DNAJC8: variants seen among roughly 807,000 people sequenced by gnomAD.
The protein encoded by DNAJC8 is dnaJ homolog subfamily C member 8.
Under a neutral mutation model 43.2 loss-of-function variants are expected in DNAJC8, and 24 were observed. The observed-to-expected ratio is 0.56, with a 90% CI of 0.40 to 0.78. The LOEUF is 0.78. Among genes scored for constraint, DNAJC8 ranks in the 30% least tolerant of loss-of-function variants. The probability of loss-of-function intolerance (pLI) is 0.00; values close to 1 mark genes in which losing one functional copy is unlikely to be tolerated. For synonymous variants in DNAJC8, 83 were observed against 98.0 expected (o/e 0.85, Z 0.90); for missense variants, 207 against 299.4 (o/e 0.69, Z 2.28).
chr1:28,208,479 C>T, intron 5 of DNAJC8, 66 bp from the exon 6 acceptor site: 3 of 1,131,008 alleles, frequency 2.7e-6, no homozygotes, highest in Non-Finnish European at 3.8e-6. Flanking sequence ...CTGGGCTGTA[C>T]ACATACAATA....
intron 6 of DNAJC8, among the ~76,000 whole-genome samples, chr1:28,207,384 A>G (rs1357971428): frequency 6.6e-6 from 1 of 152,072 alleles, no homozygotes; most frequent in Non-Finnish European, 1.5e-5. Flanking sequence ...TCTCAAACAA[A>G]TACATAAATA....
chr1:28,205,515 G>C (rs1167282587), intron 6 of DNAJC8, among the ~76,000 whole-genome samples, 166 bp from the exon 7 acceptor site: 2 of 152,240 alleles, frequency 1.3e-5, no homozygotes, highest in Admixed American at 6.5e-5. Flanking sequence ...GCCAAAGGCA[G>C]GAGAATCGTT....
chr1:28,231,417 T>C (rs575410646), intron 1 of DNAJC8, among the ~76,000 whole-genome samples: 1 of 152,240 alleles, frequency 6.6e-6, no homozygotes, highest in South Asian at 2.1e-4. Context: ...ATTAATGTCT[T>C]GAACAAATTC....
At chr1:28,218,437 G>A (rs1646875959) in intron 2 of DNAJC8, among the ~76,000 whole-genome samples, 1 of 149,360 alleles carries the variant, frequency 6.7e-6, no homozygotes, top group South Asian at 2.1e-4. Flanking sequence ...TTTTTTTTGA[G>A]ACAGTGTCTC....
At chr1:28,211,894 G>A (rs1474496447) in intron 3 of DNAJC8, among the ~76,000 whole-genome samples, 2 of 151,786 alleles carry the variant, frequency 1.3e-5, no homozygotes, top group Non-Finnish European at 2.9e-5. Flanking sequence ...AGTGGCTCCC[G>A]CCTGTAATCC....
chr1:28,203,969 A>G (rs1317431057), intron 7 of DNAJC8, 147 bp from the exon 8 acceptor site: 2 of 758,824 alleles, frequency 2.6e-6, no homozygotes, highest in East Asian at 2.7e-5. Context: ...AAGGGCTCAT[A>G]GCATTTTCAT....
At position 28,200,563 on chromosome 1, in the gene DNAJC8, A is replaced by G; in HGVS notation, c.*685T>C. On this transcript the variant is annotated 3_prime_UTR_variant, in exon 9 of 9. Coordinates refer to ENST00000263697, the MANE Select transcript of DNAJC8 (RefSeq NM_014280.3). ...GGAAAAGTACATCAATGGCTTGGGTATAAAAATTTATTATACATAAAGAAT... is the reference window on the plus strand; with the variant it reads ...GGAAAAGTACATCAATGGCTTGGGTGTAAAAATTTATTATACATAAAGAAT... 1 of 456,524 alleles carries G rather than the reference A, an allele frequency of 2.2e-6. No homozygotes were observed. Among genetic ancestry groups the G allele is most frequent in the South Asian group, 1.5e-5 (1 of 64,558 alleles). 28.3% of individuals were successfully genotyped at this position (456,524 alleles called of 1,614,324 possible). A position where few individuals can be genotyped will look rare whatever the true frequency, so the allele number is the denominator to read the frequency against.
At chr1:28,211,984 C>T (rs1160779334) in intron 3 of DNAJC8, among the ~76,000 whole-genome samples, 3 of 150,640 alleles carry the variant, frequency 2.0e-5, no homozygotes, top group African/African-American at 4.9e-5. Context: ...GGTGAAACCC[C>T]GTCTCTACTA....
chr1:28,230,585 TTAGA>T (rs1337873518), intron 1 of DNAJC8, among the ~76,000 whole-genome samples: 8 of 152,208 alleles, frequency 5.3e-5, no homozygotes, highest in African/African-American at 1.9e-4. Flanking sequence ...TTACCCTTCC[TTAGA>T]TATTTTTTCC....
intron 8 of DNAJC8, among the ~76,000 whole-genome samples, chr1:28,202,713 T>A (rs1272031188): frequency 6.6e-6 from 1 of 151,426 alleles, no homozygotes. Flanking sequence ...CCTGAGTAGC[T>A]GAGACTACAG....
chr1:28,212,297 C>T (rs1219321982), intron 3 of DNAJC8, among the ~76,000 whole-genome samples: 1 of 105,244 alleles, frequency 9.5e-6, no homozygotes, highest in African/African-American at 3.6e-5. Context: ...TTTTTTGAGA[C>T]AGAGTGTTGC....
Position 28,229,023 on chromosome 1 carries a change from C to A in DNAJC8, c.79G>T (p.Val27Leu). 6.2e-7 allele frequency: 1 copy of A among 1,611,970 alleles called. No homozygotes were observed. Among genetic ancestry groups the A allele is most frequent in the Non-Finnish European group, 8.5e-7 (1 of 1,178,870 alleles). Residue 27 changes from valine (V) to leucine (L), a missense_variant and splice_region_variant, in exon 2 of 9, where the codon GTG becomes TTG. This residue lies in a region of DNAJC8 where 159 missense variants were observed against 267.5 expected (regional missense o/e 0.59). Transcript: ENST00000263697. Reference sequence around the variant, plus strand: ...GAGTCTCTCTTCTCTATTTGTTTCACCTAAAATTATGAGGATTAAAAACTT... The same window carrying A: ...GAGTCTCTCTTCTCTATTTGTTTCAACTAAAATTATGAGGATTAAAAACTT... Reference protein sequence around the residue: ...EEAFMTFYSEVKQIEKRDSVL... With the variant: ...EEAFMTFYSELKQIEKRDSVL...
chr1:28,215,991 C>A (rs568732677), intron 2 of DNAJC8, among the ~76,000 whole-genome samples: 7 of 152,092 alleles, frequency 4.6e-5, no homozygotes, highest in Admixed American at 3.3e-4. Flanking sequence ...TCTTGAGCAA[C>A]TAGGACTGTA....
rs1015039688 is a variant in DNAJC8, at chr1:28,200,709, AG to A, written c.*538del. On this transcript the variant is annotated 3_prime_UTR_variant, in exon 9 of 9. Coordinates refer to ENST00000263697, the MANE Select transcript of DNAJC8 (RefSeq NM_014280.3). ...ATGCCACACTGATTGGTCAGTAGAC[AG>A]GGGGCACATGCCAAACACCACAGGG... 4.0e-5 allele frequency: 18 copies of A among 454,458 alleles called. No individual in the cohort carries two copies. The highest frequency in any genetic ancestry group is 3.2e-4 in the African/African-American group (16 of 50,136). 28.2% of individuals were successfully genotyped at this position (454,458 alleles called of 1,614,324 possible).
chr1:28,228,076 C>T (rs1351770064), intron 2 of DNAJC8, among the ~76,000 whole-genome samples: 4 of 152,154 alleles, frequency 2.6e-5, no homozygotes, highest in Admixed American at 6.5e-5. Context: ...CTAGGCTGGG[C>T]GCAGTGGCTC....
chr1:28,219,483 TG>T (rs1187656286), intron 2 of DNAJC8, among the ~76,000 whole-genome samples: 5 of 152,152 alleles, frequency 3.3e-5, no homozygotes, highest in Non-Finnish European at 5.9e-5. Context: ...CACTCCAGCC[TG>T]GGCAACAGAG....
chr1:28,209,763 C>T (rs993132740), intron 5 of DNAJC8, among the ~76,000 whole-genome samples: 1 of 151,718 alleles, frequency 6.6e-6, no homozygotes, highest in African/African-American at 2.4e-5. Flanking sequence ...AGCAGTGTAC[C>T]AGCTACTCCT....
At chr1:28,215,952 G>A (rs1402306264) in intron 2 of DNAJC8, among the ~76,000 whole-genome samples, 1 of 151,804 alleles carries the variant, frequency 6.6e-6, no homozygotes, top group Non-Finnish European at 1.5e-5. Context: ...CTCAAGCTCT[G>A]GGGCTCAAGT....
chr1:28,214,892 G>A, intron 3 of DNAJC8, 48 bp downstream of exon 3: 2 of 1,495,544 alleles, frequency 1.3e-6, no homozygotes, highest in Middle Eastern at 1.8e-4. Context: ...AAAGAATCAT[G>A]TGCTTCATAC....
Sources: allele counts gnomAD v4.1 joint callset (sites outside exome capture counted in the v4.1 genomes callset), GRCh38; gene constraint gnomAD v4.1.1; regional missense constraint gnomAD v4.1.1; transcripts MANE v1.5; gene names NCBI Gene and HGNC (gene_info 2026-07-23, HGNC 2026-07-21).